Variants in CYRIA observed in about 807,000 individuals in gnomAD.
The protein encoded by CYRIA is CYFIP-related Rac1 interactor A.
CYRIA carries 15 observed loss-of-function variants against 43.9 expected under a neutral mutation model. The ratio of observed to expected loss-of-function variants is 0.34; its 90% CI spans 0.23 to 0.53. The LOEUF is 0.53. Ranked by LOEUF, CYRIA falls within the 20% of genes least tolerant of loss-of-function variation. The pLI is 0.94. For synonymous variants in CYRIA, 117 were observed against 136.0 expected (o/e 0.86, Z 0.97); for missense variants, 236 against 394.2 (o/e 0.60, Z 3.40).
At chr2:16,555,196 A>G in intron 10 of CYRIA, 57 bp from the exon 11 acceptor site, 1 of 1,433,520 alleles carries the variant, frequency 7.0e-7, no homozygotes, top group Non-Finnish European at 9.7e-7. Context: ...CTATGCCAAT[A>G]TCTACCCATA....
intron 11 of CYRIA, among the ~76,000 whole-genome samples, chr2:16,554,158 A>G (rs956686917): frequency 6.6e-6 from 1 of 152,162 alleles, no homozygotes; most frequent in East Asian, 1.9e-4. Flanking sequence ...GGAGTATAAA[A>G]CATGAGCATT....
chr2:16,653,560 GT>G (rs1670027150), intron 1 of CYRIA, among the ~76,000 whole-genome samples: 1 of 152,096 alleles, frequency 6.6e-6, no homozygotes, highest in South Asian at 2.1e-4. Context: ...TTGTTTATAT[GT>G]TTATGGTCCA....
chr2:16,575,764 G>C (rs1342240151), intron 3 of CYRIA, among the ~76,000 whole-genome samples: 1 of 152,010 alleles, frequency 6.6e-6, no homozygotes, highest in Non-Finnish European at 1.5e-5. Flanking sequence ...GCTGACGCAG[G>C]AGAATGGCGT....
chr2:16,652,440 T>C (rs1670000463), intron 1 of CYRIA, among the ~76,000 whole-genome samples: 1 of 152,178 alleles, frequency 6.6e-6, no homozygotes, highest in Non-Finnish European at 1.5e-5. Flanking sequence ...CTCTCTCCCC[T>C]TGCCGTATAC....
chr2:16,655,624 ATG>A (rs1445006789), intron 1 of CYRIA, among the ~76,000 whole-genome samples: 1 of 152,190 alleles, frequency 6.6e-6, no homozygotes, highest in African/African-American at 2.4e-5. Context: ...GGAGTTGTAA[ATG>A]TGCGGCAACT....
At position 16,552,762 on chromosome 2, in the gene CYRIA, T is replaced by C. The variant is rs1354298599; in HGVS notation, c.*174A>G. ...ATCAAAGGTAAGGCTCTCAAGTCAA[T>C]TTATGCTCTGCTGGGTTGAGTCAGT... On this transcript the variant is annotated 3_prime_UTR_variant, in exon 12 of 12. Transcript: ENST00000381323. 2 of 525,536 alleles carry C rather than the reference T, an allele frequency of 3.8e-6. No individual in the cohort carries two copies. The highest frequency in any genetic ancestry group is 6.8e-6 in the Non-Finnish European group (2 of 296,148). The allele number at this position is 525,536 out of a possible 1,614,324, so 32.6% of individuals were successfully genotyped here. A position where few individuals can be genotyped will look rare whatever the true frequency, so the allele number is the denominator to read the frequency against.
At chr2:16,593,472 TA>T (rs1414497974) in intron 2 of CYRIA, among the ~76,000 whole-genome samples, 9 of 152,194 alleles carry the variant, frequency 5.9e-5, no homozygotes, top group South Asian at 4.1e-4. Flanking sequence ...AGAAGCTGAT[TA>T]AAAAATATAA....
At position 16,565,766 on chromosome 2, in the gene CYRIA, A is replaced by G; in HGVS notation, c.72T>C (p.Asn24=). The G allele has an allele frequency of 3.8e-6, 6 of 1,565,272 alleles. No individual in the cohort carries two copies. Among genetic ancestry groups the G allele is most frequent in the Middle Eastern group, 1.7e-4 (1 of 5,836 alleles). ...NYPHFFLDFE[N]AQPTEGEREI... ...CTCTCTCTCCTTCTGTAGGCTGAGC[A>G]TCTAAGAAACAGGGAAACCGAGAGA... Residue 24 remains asparagine (N), a splice_region_variant and synonymous_variant, in exon 4 of 12, where the codon AAT becomes AAC. Coordinates refer to ENST00000381323, the MANE Select transcript of CYRIA (RefSeq NM_030797.4).
At chr2:16,635,554 C>T (rs935078941) in intron 1 of CYRIA, among the ~76,000 whole-genome samples, 1 of 152,148 alleles carries the variant, frequency 6.6e-6, no homozygotes, top group Non-Finnish European at 1.5e-5. Context: ...TTTAGCAAGC[C>T]TATACTCCAG....
intron 1 of CYRIA, among the ~76,000 whole-genome samples, chr2:16,661,955 AAG>A (rs1670266678): frequency 1.3e-5 from 2 of 152,252 alleles, no homozygotes; most frequent in Admixed American, 1.3e-4. Flanking sequence ...ACTTAAAAAA[AAG>A]AAGTTCAACA....
intron 2 of CYRIA, among the ~76,000 whole-genome samples, chr2:16,589,721 A>C (rs1233369762): frequency 2.0e-5 from 3 of 152,108 alleles, no homozygotes; most frequent in Non-Finnish European, 2.9e-5. Flanking sequence ...TGATGATGAT[A>C]GTCACCATCA....
chr2:16,650,790 G>A lies in CYRIA; in HGVS notation c.-167+14990C>T, dbSNP rs1572204605. Among the ~76,000 whole-genome samples the A allele has an allele frequency of 6.6e-6, 1 of 152,166 alleles. No homozygotes were observed. Among genetic ancestry groups the A allele is most frequent in the Admixed American group, 6.5e-5 (1 of 15,280 alleles). On this transcript the variant is annotated intron_variant, in intron 1 of 11. Transcript: ENST00000381323. The surrounding 1 kb of genome is among the most constrained non-coding windows in gnomAD (Gnocchi z 4.1). ...ACCAGGAAATTCAAACAGAAAGACC[G>A]TGACCTTAAGGCAAGTCAAGGAGGA...
In CYRIA at chr2:16,565,556, T is replaced by C. The variant is rs111750090; in HGVS notation, c.192+90A>G. On this transcript the variant is annotated intron_variant, in intron 4 of 11. Transcript: ENST00000381323. ...GGTACTCTAGGAAATACTGTAGCTA[T>C]TACTTAATCTTGCTGTGTGTGTCTG... 1,939 of 1,343,604 alleles carry C rather than the reference T, an allele frequency of 1.4e-3. 29 individuals carry two copies. The African/African-American group carries it at 0.024, about 17-fold the overall frequency. The allele number at this position is 1,343,604 out of a possible 1,614,324, so 83.2% of individuals were successfully genotyped here.
chr2:16,553,583 G>C (rs925149640), intron 11 of CYRIA, among the ~76,000 whole-genome samples: 2 of 152,198 alleles, frequency 1.3e-5, no homozygotes, highest in Middle Eastern at 6.8e-3. Flanking sequence ...GTTAAGTTTC[G>C]TGTTACAATA....
chr2:16,652,986 G>A (rs144628674), intron 1 of CYRIA, among the ~76,000 whole-genome samples: 2 of 152,230 alleles, frequency 1.3e-5, no homozygotes, highest in Non-Finnish European at 2.9e-5. Context: ...ATTTAACTAG[G>A]ACTCTTGGAC....
intron 2 of CYRIA, among the ~76,000 whole-genome samples, chr2:16,605,390 G>A (rs1321553424): frequency 3.3e-5 from 5 of 152,204 alleles, no homozygotes; most frequent in Admixed American, 6.5e-5. Flanking sequence ...GCTCAGCTCC[G>A]GCCCAGGCCA....
In CYRIA at chr2:16,599,997, C is replaced by T. The variant is rs187809038; in HGVS notation, c.-10-11868G>A. Among the ~76,000 whole-genome samples, 58 of 152,278 alleles carry T rather than the reference C, an allele frequency of 3.8e-4. 1 individual carries two copies. In the East Asian group the frequency reaches 0.011, roughly 29 times the overall value. On this transcript the variant is annotated intron_variant, in intron 2 of 11. Transcript: ENST00000381323. ...TCTCGAACTCCTGACCTCAGGTGAT[C>T]CACCCGCCTCGGTCTCCCAAAGTGC... is the stretch of plus-strand genomic sequence containing the variant.
Position 16,561,266 on chromosome 2 carries a change from C to A in CYRIA, c.525G>T (p.Glu175Asp). The change falls in exon 8 of 12, where the codon GAG becomes GAT. Residue 175 changes from glutamate (E) to aspartate (D), a missense_variant. By Grantham distance (45) the Glu-to-Asp change is conservative. Transcript: ENST00000381323. ...TGGCCATCTCATTATTGACTTCATTCTCAATGTCTAGCTGATGAAAATAAG... is the reference window on the plus strand; with the variant it reads ...TGGCCATCTCATTATTGACTTCATTATCAATGTCTAGCTGATGAAAATAAG... ...NRINNMHLDI[E>D]NEVNNEMANR... 6.2e-7 allele frequency: 1 copy of A among 1,609,576 alleles called. No individual in the cohort carries two copies. Among genetic ancestry groups the A allele is most frequent in the Non-Finnish European group, 8.5e-7 (1 of 1,176,000 alleles).
At chr2:16,615,773 C>A (rs1481665925) in intron 2 of CYRIA, among the ~76,000 whole-genome samples, 2 of 152,252 alleles carry the variant, frequency 1.3e-5, no homozygotes, top group African/African-American at 4.8e-5. Flanking sequence ...CCTATTGCAG[C>A]TATTACTGAA....
Sources: allele counts gnomAD v4.1 joint callset (sites outside exome capture counted in the v4.1 genomes callset), GRCh38; gene constraint gnomAD v4.1.1; non-coding constraint Gnocchi (gnomAD v3.1); transcripts MANE v1.5; gene names NCBI Gene and HGNC (gene_info 2026-07-23, HGNC 2026-07-21).